The following CNTN4 variants were observed in gnomAD, a reference collection of about 807,000 sequenced individuals.
CNTN4 encodes contactin-4.
In CNTN4, 77 loss-of-function variants were observed where a neutral mutation model predicts 122.5. That is an observed-to-expected ratio of 0.63 (90% CI 0.52 to 0.76). CNTN4 has a LOEUF of 0.76. Among genes scored for constraint, CNTN4 ranks in the 30% least tolerant of loss-of-function variants. The pLI is 0.00. For missense variants in CNTN4, 1,256 were observed against 1,259.1 expected, an observed-to-expected ratio of 1.00 and a Z score of 0.04; for synonymous variants, 512 against 447.0, an observed-to-expected ratio of 1.15 and a Z score of -1.83.
intron 3 of CNTN4, among the ~76,000 whole-genome samples, chr3:2,501,123 G>C (rs1017514817): frequency 6.6e-6 from 1 of 152,118 alleles, no homozygotes; most frequent in African/African-American, 2.4e-5. Context: ...ATTTTTAGCA[G>C]ATTTTTTTGT....
At chr3:2,619,176 T>A (rs1191803189) in intron 4 of CNTN4, among the ~76,000 whole-genome samples, 1 of 152,230 alleles carries the variant, frequency 6.6e-6, no homozygotes, top group Admixed American at 6.5e-5. Flanking sequence ...CTCCCTGTCG[T>A]CTCAGAAGCA....
chr3:2,648,340 G>A (rs981564436), intron 4 of CNTN4, among the ~76,000 whole-genome samples: 1 of 152,058 alleles, frequency 6.6e-6, no homozygotes, highest in African/African-American at 2.4e-5. Context: ...TTTGCAAACT[G>A]AAGGTTTGTG....
intron 2 of CNTN4, among the ~76,000 whole-genome samples, chr3:2,133,467 G>T (rs886600577): frequency 6.6e-5 from 10 of 152,160 alleles, no homozygotes; most frequent in African/African-American, 2.4e-4. Flanking sequence ...ATAGTGATAA[G>T]GAGCAAATTG....
chr3:2,820,889 C>G (rs1054851355), intron 7 of CNTN4, among the ~76,000 whole-genome samples: 1 of 150,856 alleles, frequency 6.6e-6, no homozygotes, highest in Non-Finnish European at 1.5e-5. Context: ...ATGCACTTGA[C>G]TGCAACTAAC....
chr3:2,281,419 C>T (rs968094679), intron 2 of CNTN4, among the ~76,000 whole-genome samples: 1 of 152,004 alleles, frequency 6.6e-6, no homozygotes, highest in Non-Finnish European at 1.5e-5. Flanking sequence ...ATTTTAAGCC[C>T]AAAGCATCTT....
chr3:2,917,412 A>G (rs2094380786), intron 12 of CNTN4, among the ~76,000 whole-genome samples: 1 of 150,318 alleles, frequency 6.7e-6, no homozygotes, highest in African/African-American at 2.5e-5. Context: ...ATTTAGCAGT[A>G]TTTTTCAAAC....
intron 6 of CNTN4, among the ~76,000 whole-genome samples, chr3:2,816,593 C>T (rs1025772285): frequency 5.3e-5 from 8 of 151,198 alleles, no homozygotes; most frequent in Admixed American, 2.6e-4. Flanking sequence ...GAGGCTGAGG[C>T]GGGTGGATCA....
chr3:2,712,671 T>G (rs1346234916), intron 4 of CNTN4, among the ~76,000 whole-genome samples: 1 of 152,206 alleles, frequency 6.6e-6, no homozygotes, highest in African/African-American at 2.4e-5. Flanking sequence ...ATGCTAATGT[T>G]GACTGACCAC....
chr3:2,803,850 C>T (rs938202510), intron 6 of CNTN4, among the ~76,000 whole-genome samples: 5 of 151,986 alleles, frequency 3.3e-5, no homozygotes, highest in Non-Finnish European at 5.9e-5. Context: ...TGAGAGCCAC[C>T]AAGCCCGGCA....
rs370880907 is a variant in CNTN4, at chr3:3,052,893, C to T, written c.2812-914C>T. On this transcript the variant is annotated intron_variant, in intron 23 of 24. Coordinates refer to ENST00000418658, the MANE Select transcript of CNTN4 (RefSeq NM_175607.3). ...GCTGAAATGTCCTGTCTCTAAGAGT[C>T]GTGATCATAACTTATTGTGCCTGGC... Among the ~76,000 whole-genome samples the T allele has an allele frequency of 7.6e-4, 116 of 152,306 alleles. No individual in the cohort carries two copies. The Middle Eastern group carries it at 0.027, about 36-fold the overall frequency.
chr3:2,270,606 C>A (rs1401627783), intron 2 of CNTN4, among the ~76,000 whole-genome samples: 1 of 152,084 alleles, frequency 6.6e-6, no homozygotes, highest in African/African-American at 2.4e-5. Context: ...TGTTAATATG[C>A]TCTGTGGCTA....
At chr3:2,573,916 G>T (rs1223906279) in intron 4 of CNTN4, among the ~76,000 whole-genome samples, 8 of 152,054 alleles carry the variant, frequency 5.3e-5, no homozygotes, top group Admixed American at 5.2e-4. Context: ...GCTGAATTTT[G>T]ATTTTTTAAA....
chr3:2,536,808 A>C (rs111477638), intron 3 of CNTN4, among the ~76,000 whole-genome samples: 40 of 152,238 alleles, frequency 2.6e-4, no homozygotes, highest in African/African-American at 9.1e-4. Flanking sequence ...GTACTTCACA[A>C]TGCAACATTT....
At chr3:2,209,860 G>T (rs1274825327) in intron 2 of CNTN4, among the ~76,000 whole-genome samples, 3 of 151,692 alleles carry the variant, frequency 2.0e-5, no homozygotes, top group South Asian at 4.2e-4. Context: ...TGTCAAACTG[G>T]GTCCGTATTG....
At chr3:2,252,618 G>A (rs939645151) in intron 2 of CNTN4, among the ~76,000 whole-genome samples, 3 of 151,946 alleles carry the variant, frequency 2.0e-5, no homozygotes, top group Non-Finnish European at 4.4e-5. Context: ...CCTGTCTGGG[G>A]GAGATAAAAT....
intron 14 of CNTN4, among the ~76,000 whole-genome samples, chr3:3,000,202 A>G (rs1013491675): frequency 6.6e-6 from 1 of 151,386 alleles, no homozygotes; most frequent in African/African-American, 2.5e-5. Context: ...AATTAAATCT[A>G]GAACATAATA....
chr3:2,586,811 A>G (rs538987600), intron 4 of CNTN4, among the ~76,000 whole-genome samples: 3 of 152,126 alleles, frequency 2.0e-5, no homozygotes, highest in Non-Finnish European at 4.4e-5. Flanking sequence ...CTTTCCCTCA[A>G]GAAGACAACT....
At chr3:2,233,599 G>A (rs1012823682) in intron 2 of CNTN4, among the ~76,000 whole-genome samples, 1 of 152,090 alleles carries the variant, frequency 6.6e-6, no homozygotes, top group African/African-American at 2.4e-5. Context: ...AATCAAATCT[G>A]TTGAGAATCT....
rs144429826 is a variant in CNTN4 at position 3,006,687 on chromosome 3, G to A, written c.1486+18215G>A. Among the ~76,000 whole-genome samples the A allele has an allele frequency of 3.1e-3, 478 of 152,288 alleles. 2 individuals are homozygous for A. The highest frequency in any genetic ancestry group is 0.014 in the Middle Eastern group (4 of 294). On this transcript the variant is annotated intron_variant, in intron 14 of 24. Coordinates refer to ENST00000418658, the MANE Select transcript of CNTN4 (RefSeq NM_175607.3). ...AGGAAAAACAGAGGTCGTCAATGGG[G>A]CATAGTGAAAGGGACATGGGCTTTG...
Sources: gnomAD v4.1 joint callset for allele counts (sites outside exome capture counted in the v4.1 genomes callset) on GRCh38, gnomAD v4.1.1 for gene constraint, MANE v1.5 for transcripts, NCBI Gene and HGNC (gene_info 2026-07-23, HGNC 2026-07-21) for gene names.